PRKN: variants seen among roughly 807,000 people sequenced by gnomAD.
PRKN encodes the protein E3 ubiquitin-protein ligase parkin.
Under a neutral mutation model 59.5 loss-of-function variants are expected in PRKN, and 56 were observed. The observed-to-expected ratio is 0.94, with a 90% confidence interval of 0.76 to 1.18. PRKN has a LOEUF of 1.18. Among genes scored for constraint, PRKN ranks in the 50% most tolerant of loss-of-function variants. The pLI is 0.00. For missense variants in PRKN, 657 were observed against 596.4 expected, an observed-to-expected ratio of 1.10 and a Z score of -1.06; for synonymous variants, 250 against 222.1, an observed-to-expected ratio of 1.13 and a Z score of -1.12.
intron 2 of PRKN, among the ~76,000 whole-genome samples, chr6:162,432,095 C>T (rs1166229025): frequency 6.6e-6 from 1 of 151,944 alleles, no homozygotes; most frequent in Admixed American, 6.6e-5. Flanking sequence ...GCTGAATAAC[C>T]AATGTATAAT....
At chr6:161,755,582 C>G (rs569447039) in intron 7 of PRKN, among the ~76,000 whole-genome samples, 2 of 151,716 alleles carry the variant, frequency 1.3e-5, no homozygotes, top group African/African-American at 2.4e-5. Context: ...AACAGTGCCT[C>G]GACTACGGCA....
At chr6:161,573,795 TAA>T (rs1288427690) in intron 7 of PRKN, among the ~76,000 whole-genome samples, 8 of 98,626 alleles carry the variant, frequency 8.1e-5, no homozygotes, top group East Asian at 6.1e-4. Context: ...TATATATATA[TAA>T]AACTTCATTC....
chr6:161,521,338 C>T (rs370135547), intron 9 of PRKN, among the ~76,000 whole-genome samples: 9 of 152,160 alleles, frequency 5.9e-5, no homozygotes, highest in Admixed American at 2.0e-4. Context: ...TCCATTGTTG[C>T]AGGTCTGACA....
intron 1 of PRKN, among the ~76,000 whole-genome samples, chr6:162,649,049 C>T (rs9458633): frequency 0.1 from 15,329 of 151,986 alleles, 1,137 homozygotes; most frequent in East Asian, 0.3. Flanking sequence ...CAGCCTGCCG[C>T]ACAAATTTCA....
intron 1 of PRKN, among the ~76,000 whole-genome samples, chr6:162,492,381 G>A (rs1050323337): frequency 2.6e-5 from 4 of 152,210 alleles, no homozygotes; most frequent in African/African-American, 9.6e-5. Flanking sequence ...GTGCCTAGGG[G>A]AGCACAGCTC....
At chr6:162,250,138 G>C (rs1438686602) in intron 3 of PRKN, among the ~76,000 whole-genome samples, 1 of 149,654 alleles carries the variant, frequency 6.7e-6, no homozygotes, top group East Asian at 2.0e-4. Context: ...AACAGAGCAA[G>C]ACTCCGTCTC....
chr6:162,110,818 T>C (rs1780397997), intron 4 of PRKN, among the ~76,000 whole-genome samples: 1 of 152,118 alleles, frequency 6.6e-6, no homozygotes, highest in African/African-American at 2.4e-5. Context: ...TGGGATGTAA[T>C]GTAAAGTACA....
At chr6:162,619,927 TTCTC>T (rs924803585) in intron 1 of PRKN, among the ~76,000 whole-genome samples, 2 of 152,206 alleles carry the variant, frequency 1.3e-5, no homozygotes, top group African/African-American at 2.4e-5. Context: ...TGAGGGTATC[TTCTC>T]TCTCACAATA....
At chr6:162,190,466 T>G (rs1298998750) in intron 4 of PRKN, among the ~76,000 whole-genome samples, 1 of 152,206 alleles carries the variant, frequency 6.6e-6, no homozygotes, top group East Asian at 1.9e-4. Flanking sequence ...GTGAGTGCTT[T>G]CAGCAAGAAT....
At chr6:161,957,614 G>A (rs540491167) in intron 6 of PRKN, among the ~76,000 whole-genome samples, 7 of 151,984 alleles carry the variant, frequency 4.6e-5, no homozygotes, top group Non-Finnish European at 7.4e-5. Flanking sequence ...TAGTAGAGAC[G>A]AGGTTTCACC....
At chr6:162,720,783 A>C (rs1383773846) in intron 1 of PRKN, among the ~76,000 whole-genome samples, 2 of 152,192 alleles carry the variant, frequency 1.3e-5, no homozygotes, top group Non-Finnish European at 2.9e-5. Flanking sequence ...TAGGTATATG[A>C]GTCATGCAGA....
At chr6:162,128,437 C>T (rs569072960) in intron 4 of PRKN, among the ~76,000 whole-genome samples, 2 of 152,188 alleles carry the variant, frequency 1.3e-5, no homozygotes, top group South Asian at 4.1e-4. Context: ...AGAACAACAT[C>T]TAGATCATAG....
chr6:162,249,038 C>T (rs562946051), intron 3 of PRKN, among the ~76,000 whole-genome samples: 1 of 152,000 alleles, frequency 6.6e-6, no homozygotes, highest in African/African-American at 2.4e-5. Flanking sequence ...CACCACCACA[C>T]CCAGCTAATT....
intron 3 of PRKN, among the ~76,000 whole-genome samples, chr6:162,220,885 C>G (rs1422839303): frequency 6.6e-6 from 1 of 152,336 alleles, no homozygotes; most frequent in South Asian, 2.1e-4. Context: ...ATAAACGTTA[C>G]AATTCATCCT....
At chr6:162,290,846 C>T (rs1365786662) in intron 2 of PRKN, among the ~76,000 whole-genome samples, 1 of 152,104 alleles carries the variant, frequency 6.6e-6, no homozygotes, top group Non-Finnish European at 1.5e-5. Context: ...AAGACATTGA[C>T]AACTTTTCAG....
chr6:162,026,846 A>T (rs539744440), intron 5 of PRKN, among the ~76,000 whole-genome samples: 8 of 152,284 alleles, frequency 5.3e-5, no homozygotes, highest in African/African-American at 1.7e-4. Flanking sequence ...TGCCAGAGTC[A>T]TGTTGCTTAA....
chr6:162,415,275 C>T (rs1160461531), intron 2 of PRKN, among the ~76,000 whole-genome samples: 2 of 152,128 alleles, frequency 1.3e-5, no homozygotes, highest in East Asian at 1.9e-4. Flanking sequence ...GAGTGTCACA[C>T]CACTTTGTTT....
At position 162,128,929 on chromosome 6, in the gene PRKN, G is replaced by C. The variant is rs193149845; in HGVS notation, c.534+72202C>G. On this transcript the variant is annotated intron_variant, in intron 4 of 11. Coordinates refer to ENST00000366898, the MANE Select transcript of PRKN (RefSeq NM_004562.3). ...AGAACTTTGAGAAAGAATTGCTGCTGTTTCTAAGCCACCCAATTTGTGACA... is the reference window on the plus strand; with the variant it reads ...AGAACTTTGAGAAAGAATTGCTGCTCTTTCTAAGCCACCCAATTTGTGACA... Among the ~76,000 whole-genome samples the C allele has an allele frequency of 7.2e-4, 110 of 152,274 alleles. 2 individuals are homozygous for C. Among genetic ancestry groups the C allele is most frequent in the Admixed American group, 7.1e-3 (108 of 15,284 alleles).
intron 6 of PRKN, among the ~76,000 whole-genome samples, chr6:161,945,307 C>T (rs1334388093): frequency 6.6e-6 from 1 of 152,182 alleles, no homozygotes; most frequent in Non-Finnish European, 1.5e-5. Context: ...ACGGCCCGCT[C>T]ATTTGTAAAT....
Sources: allele counts gnomAD v4.1 joint callset (sites outside exome capture counted in the v4.1 genomes callset), GRCh38; gene constraint gnomAD v4.1.1; transcripts MANE v1.5; gene names NCBI Gene and HGNC (gene_info 2026-07-23, HGNC 2026-07-21).